The following ZNF518A variants were observed in gnomAD, a reference collection of about 807,000 sequenced individuals.
ZNF518A encodes the protein zinc finger protein 518.
A neutral mutation model predicts 102.7 loss-of-function variants in ZNF518A; 47 were observed. The observed-to-expected ratio is 0.46, with a 90% CI of 0.36 to 0.58. The LOEUF (loss-of-function observed/expected upper bound fraction) is 0.58. Ranked by LOEUF, ZNF518A falls within the 20% of genes least tolerant of loss-of-function variation. The pLI, the probability that ZNF518A is intolerant of heterozygous loss-of-function variation, is 0.00. For synonymous variants in ZNF518A, 652 were observed against 594.6 expected (o/e 1.10, Z -1.40); for missense variants, 1,793 against 1,699.8 (o/e 1.05, Z -0.96).
At chr10:96,137,580 C>T (rs192098392) in intron 3 of ZNF518A, among the ~76,000 whole-genome samples, 1 of 152,318 alleles carries the variant, frequency 6.6e-6, no homozygotes, top group East Asian at 1.9e-4. Flanking sequence ...TAAACATTTT[C>T]TTCATTTTGC....
At chr10:96,133,687 A>C (rs1277031014) in intron 3 of ZNF518A, 39 bp downstream of exon 3, 1 of 152,192 alleles carries the variant, frequency 6.6e-6, no homozygotes, top group Admixed American at 6.5e-5. Context: ...ATTAGGAATA[A>C]GATTATTTAT....
chr10:96,147,220 C>T (rs1387889299), intron 3 of ZNF518A, among the ~76,000 whole-genome samples: 2 of 152,158 alleles, frequency 1.3e-5, no homozygotes, highest in African/African-American at 2.4e-5. Flanking sequence ...GCCAGGCTTA[C>T]CTGGGGATTC....
chr10:96,178,322 C>T (rs2083217930), intron 1 of ZNF518A, among the ~76,000 whole-genome samples: 1 of 152,020 alleles, frequency 6.6e-6, no homozygotes, highest in Non-Finnish European at 1.5e-5. Context: ...TTCCTGAATA[C>T]ATGGAAATTA....
intron 1 of ZNF518A, among the ~76,000 whole-genome samples, chr10:96,199,705 G>T (rs1032690616): frequency 2.0e-5 from 3 of 152,134 alleles, no homozygotes; most frequent in Non-Finnish European, 4.4e-5. Flanking sequence ...CAGGCTGAGG[G>T]CAAAACGTGT....
At position 96,172,085 on chromosome 10, in the gene ZNF518A, T is replaced by G. The variant is rs78120923; in HGVS notation, n.35+16038T>G. ...ATAAGCAAAATGAGAATTCATTTGT[T>G]GCAAACCTACCTTTCAGTAAATACT... On this transcript the variant is annotated intron_variant and non_coding_transcript_variant, in intron 1 of 2. Transcript: ENST00000442635. Among the ~76,000 whole-genome samples the G allele has an allele frequency of 6.0e-4, 91 of 152,262 alleles. 1 individual carries two copies. In the East Asian group the frequency reaches 0.017, roughly 28 times the overall value.
downstream of ZNF518A, chr10:96,204,914 T>C (rs2083755663): frequency 2.7e-6 from 1 of 375,960 alleles, no homozygotes; most frequent in South Asian, 2.2e-5. Flanking sequence ...TGTGTGAGTA[T>C]AGGTGGAAGC....
In ZNF518A at chr10:96,179,787, TTCCTCCTCC is replaced by T. The variant is rs782467070; in HGVS notation, n.35+23752_35+23760del. Among the ~76,000 whole-genome samples, 4 of 151,662 alleles carry T rather than the reference TTCCTCCTCC, an allele frequency of 2.6e-5. No homozygotes were observed. The South Asian group carries it at 6.2e-4, about 24-fold the overall frequency. Reference sequence around the variant, plus strand: ...CTTCTTCTTCTTCTTCCTTTTCTTCTTCCTCCTCCTCCTCCTCCTCTCCTCCTTCTCTTT... The same window carrying T: ...CTTCTTCTTCTTCTTCCTTTTCTTCTTCCTCCTCCTCTCCTCCTTCTCTTT... On this transcript the variant is annotated intron_variant and non_coding_transcript_variant, in intron 1 of 2. Transcript: ENST00000442635.
intron 1 of ZNF518A, among the ~76,000 whole-genome samples, chr10:96,183,818 T>A (rs989036331): frequency 1.3e-5 from 2 of 152,216 alleles, no homozygotes; most frequent in Admixed American, 1.3e-4. Flanking sequence ...GTTCTGTAGA[T>A]GTCTATTAGG....
chr10:96,149,813 A>G (rs1176128709), intron 3 of ZNF518A, among the ~76,000 whole-genome samples: 1 of 152,084 alleles, frequency 6.6e-6, no homozygotes, highest in Non-Finnish European at 1.5e-5. Context: ...TTTTTTAACT[A>G]TATTAATAAC....
At position 96,156,789 on chromosome 10, in the gene ZNF518A, A is replaced by G. The variant is rs377735673; in HGVS notation, c.467A>G (p.Asn156Ser). The change falls in exon 6 of 6, where the codon AAC becomes AGC. Residue 156 changes from asparagine (N) to serine (S), a missense_variant. Coordinates refer to ENST00000316045, the MANE Select transcript of ZNF518A (RefSeq NM_001330736.2). ...ELPSYPCEMC[N>S]FSANDFQVFK... ...CCTTCATATCCTTGTGAAATGTGCA[A>G]CTTTTCAGCAAATGACTTTCAGGTA... The G allele has an allele frequency of 4.4e-5, 71 of 1,613,860 alleles. No homozygotes were observed. The highest frequency in any genetic ancestry group is 1.6e-4 in the Middle Eastern group (1 of 6,084).
At chr10:96,151,082 G>A (rs971876415) in intron 3 of ZNF518A, among the ~76,000 whole-genome samples, 8 of 152,062 alleles carry the variant, frequency 5.3e-5, no homozygotes, top group African/African-American at 1.9e-4. Context: ...TATGGTCACT[G>A]CTGGATGGGA....
intron 1 of ZNF518A, among the ~76,000 whole-genome samples, chr10:96,171,566 A>C (rs151308312): frequency 6.6e-6 from 1 of 152,302 alleles, no homozygotes; most frequent in African/African-American, 2.4e-5. Flanking sequence ...AAGGACAAGG[A>C]GTGATAAAAA....
At chr10:96,137,049 C>A (rs2081629604) in intron 3 of ZNF518A, among the ~76,000 whole-genome samples, 1 of 152,232 alleles carries the variant, frequency 6.6e-6, no homozygotes, top group South Asian at 2.1e-4. Flanking sequence ...AGGCAGCAGG[C>A]CAGATTTGGC....
intron 1 of ZNF518A, among the ~76,000 whole-genome samples, chr10:96,188,049 T>A (rs1188258726): frequency 2.0e-5 from 3 of 152,166 alleles, no homozygotes; most frequent in African/African-American, 7.2e-5. Flanking sequence ...GGGGTTTCCC[T>A]GTGTTGACCA....
rs587701641 is a variant in ZNF518A, at chr10:96,158,128, C to T, written c.1806C>T (p.Asn602=). The T allele has an allele frequency of 1.6e-5, 26 of 1,613,550 alleles. No homozygotes were observed. In the East Asian group the frequency reaches 5.3e-4, roughly 33 times the overall value. Residue 602 remains asparagine (N), a synonymous_variant, in exon 6 of 6, where the codon AAC becomes AAT. Coordinates refer to ENST00000316045, the MANE Select transcript of ZNF518A (RefSeq NM_001330736.2). ...GTTIKSPDKV[N]CVAKPNAYNS... ...CCATTAAAAGTCCAGATAAAGTCAACTGTGTTGCCAAACCAAATGCATACA... is the reference window on the plus strand; with the variant it reads ...CCATTAAAAGTCCAGATAAAGTCAATTGTGTTGCCAAACCAAATGCATACA...
In ZNF518A at chr10:96,133,487, C is replaced by CT. The variant is rs2081442004; in HGVS notation, c.-367-93dup. 2.0e-5 allele frequency: 3 copies of CT among 152,064 alleles called. No homozygotes were observed. The South Asian group carries it at 6.2e-4, about 32-fold the overall frequency. 9.4% of individuals were successfully genotyped at this position (152,064 alleles called of 1,614,324 possible). ...CAAATCTATGGTATTATAAGGAAAG[C>CT]TTTGGAAATGTAGTGGAAAATATTG... On this transcript the variant is annotated intron_variant, in intron 2 of 5. Coordinates refer to ENST00000316045, the MANE Select transcript of ZNF518A (RefSeq NM_001330736.2).
downstream of ZNF518A, among the ~76,000 whole-genome samples, chr10:96,165,948 A>T (rs1312971753): frequency 6.6e-6 from 1 of 152,190 alleles, no homozygotes; most frequent in Non-Finnish European, 1.5e-5. Context: ...GAAGTCCAGA[A>T]GCCTCAGAAC....
downstream of ZNF518A, chr10:96,163,838 T>G (rs1283366242): frequency 1.2e-5 from 2 of 166,674 alleles, no homozygotes; most frequent in African/African-American, 4.8e-5. Flanking sequence ...GCTTTCAGAA[T>G]GGGATTTTTA....
rs782118438 is a variant in ZNF518A at position 96,159,094 on chromosome 10, A to G, written c.2772A>G (p.Ser924=). ...ATATGCAGAGTCCACTTTTAAATTC[A>G]GAACAAAAAAAAACTATAATTGTTC... ...SFYMQSPLLN[S]EQKKTIIVQT... Residue 924 remains serine, a synonymous_variant, in exon 6 of 6, where the codon TCA becomes TCG. Transcript: ENST00000316045. 6.2e-7 allele frequency: 1 copy of G among 1,611,556 alleles called. No individual in the cohort carries two copies.
Sources: allele counts gnomAD v4.1 joint callset (sites outside exome capture counted in the v4.1 genomes callset), GRCh38; gene constraint gnomAD v4.1.1; transcripts MANE v1.5; gene names NCBI Gene and HGNC (gene_info 2026-07-23, HGNC 2026-07-21).